Variants in ARHGAP8 observed in about 807,000 individuals in gnomAD.
ARHGAP8 encodes the protein rho GTPase-activating protein 8.
Under a neutral mutation model 46.1 loss-of-function variants are expected in ARHGAP8, and 62 were observed. The ratio of observed to expected loss-of-function variants is 1.34; its 90% CI spans 1.10 to 1.66. ARHGAP8 has a LOEUF of 1.66. ARHGAP8 is among the 40% of genes most tolerant of loss of function. The pLI is 0.00. For synonymous variants in ARHGAP8, 375 were observed against 243.1 expected (o/e 1.54, Z -5.05); for missense variants, 923 against 568.4 (o/e 1.62, Z -6.34).
At chr22:44,794,183 G>T (rs1395030142) in intron 2 of ARHGAP8, among the ~76,000 whole-genome samples, 1 of 152,220 alleles carries the variant, frequency 6.6e-6, no homozygotes, top group Non-Finnish European at 1.5e-5. Flanking sequence ...ATCCTACCTG[G>T]TCCGTGGTAA....
intron 2 of ARHGAP8, among the ~76,000 whole-genome samples, chr22:44,789,230 A>T (rs950410139): frequency 6.6e-6 from 1 of 151,070 alleles, no homozygotes; most frequent in Non-Finnish European, 1.5e-5. Flanking sequence ...GCTCACTGCA[A>T]CCTCCAGCTC....
chr22:44,758,597 G>A (rs1924876221), intron 1 of ARHGAP8, among the ~76,000 whole-genome samples: 2 of 151,962 alleles, frequency 1.3e-5, no homozygotes, highest in Non-Finnish European at 2.9e-5. Flanking sequence ...CTTTGTGCAG[G>A]GCTGTGCGTT....
chr22:44,862,759 C>CAAAACTCCATGCCTCTGG lies in ARHGAP8; in HGVS notation c.*164_*165insAAAACTCCATGCCTCTGG. 8.1e-6 allele frequency: 7 copies of CAAAACTCCATGCCTCTGG among 858,938 alleles called. No individual in the cohort carries two copies. The highest frequency in any genetic ancestry group is 8.5e-6 in the Non-Finnish European group (5 of 589,266). 53.2% of individuals were successfully genotyped at this position (858,938 alleles called of 1,614,324 possible). ...GTCCTTGGACTCTTGTCCATGGTTC[C>CAAAACTCCATGCCTCTGG]TGAGCTGTGGACCGGGATAGAATAA... On this transcript the variant is annotated 3_prime_UTR_variant, in exon 12 of 12. Transcript: ENST00000356099.
chr22:44,813,123 G>T (rs1410701797), intron 4 of ARHGAP8, among the ~76,000 whole-genome samples: 2 of 152,122 alleles, frequency 1.3e-5, no homozygotes, highest in African/African-American at 4.8e-5. Flanking sequence ...GCTCCCTGTA[G>T]TGGAGAATGC....
At chr22:44,773,770 A>G (rs1926213369) in intron 1 of ARHGAP8, among the ~76,000 whole-genome samples, 2 of 152,056 alleles carry the variant, frequency 1.3e-5, no homozygotes, top group South Asian at 4.1e-4. Flanking sequence ...TTTAGTAGAG[A>G]TAGGGTTTTG....
intron 7 of ARHGAP8, among the ~76,000 whole-genome samples, chr22:44,835,783 A>G (rs1188920919): frequency 1.3e-5 from 2 of 152,174 alleles, no homozygotes; most frequent in Non-Finnish European, 2.9e-5. Flanking sequence ...GTTTCTCCTT[A>G]TCTCCCAGAG....
intron 7 of ARHGAP8, among the ~76,000 whole-genome samples, chr22:44,842,044 G>A (rs371983876): frequency 1.3e-5 from 2 of 152,302 alleles, no homozygotes; most frequent in South Asian, 4.1e-4. Context: ...CCCTGTGTTG[G>A]ACACTTGATT....
chr22:44,804,721 A>AGAT (rs1193769596), intron 3 of ARHGAP8, among the ~76,000 whole-genome samples: 2 of 152,168 alleles, frequency 1.3e-5, no homozygotes, highest in African/African-American at 4.8e-5. Flanking sequence ...CCCCAACTCA[A>AGAT]GATGAACAAA....
chr22:44,860,918 AATGTC>A (rs1390033587), intron 11 of ARHGAP8, among the ~76,000 whole-genome samples: 25 of 152,156 alleles, frequency 1.6e-4, no homozygotes, highest in Middle Eastern at 3.4e-3. Context: ...TCTGTTGGAG[AATGTC>A]ACTTCTTGGT....
Position 44,826,371 on chromosome 22 carries a change from A to G in ARHGAP8, c.596+778A>G, listed in dbSNP as rs184359621. Among the ~76,000 whole-genome samples, 129 of 152,252 alleles carry G rather than the reference A, an allele frequency of 8.5e-4. 1 individual carries two copies. The highest frequency in any genetic ancestry group is 3.0e-3 in the African/African-American group (124 of 41,548). On this transcript the variant is annotated intron_variant, in intron 7 of 11. Coordinates refer to ENST00000356099, the MANE Select transcript of ARHGAP8 (RefSeq NM_181335.3). Reference sequence around the variant, plus strand: ...CTTCCTAATACCCTTTATCAGCCACATGACCTTGAACTCACCTCTTCTCTC... The same window carrying G: ...CTTCCTAATACCCTTTATCAGCCACGTGACCTTGAACTCACCTCTTCTCTC...
At chr22:44,832,881 A>G (rs915238808) in intron 7 of ARHGAP8, among the ~76,000 whole-genome samples, 3 of 152,068 alleles carry the variant, frequency 2.0e-5, no homozygotes, top group Non-Finnish European at 2.9e-5. Flanking sequence ...ATTCTCAGCT[A>G]TTTGGGAGAT....
At chr22:44,839,894 G>T (rs916759481) in intron 7 of ARHGAP8, among the ~76,000 whole-genome samples, 8 of 152,232 alleles carry the variant, frequency 5.3e-5, no homozygotes, top group Non-Finnish European at 7.3e-5. Flanking sequence ...GTTTGCCCAT[G>T]GGGCGTTGGC....
chr22:44,808,707 T>G (rs746292670), intron 4 of ARHGAP8: 106 of 613,950 alleles, frequency 1.7e-4, no homozygotes, highest in Non-Finnish European at 2.8e-4. Context: ...CTCACACCTG[T>G]AATCCCAGTA....
intron 11 of ARHGAP8, among the ~76,000 whole-genome samples, chr22:44,861,063 GTGCAATCTCAGCTCAC>G (rs1168726346): frequency 6.6e-6 from 1 of 152,114 alleles, no homozygotes; most frequent in South Asian, 2.1e-4. Context: ...GTGTGCACTG[GTGCAATCTCAGCTCAC>G]TGCAACCCCA....
In ARHGAP8 at chr22:44,801,076, GA is replaced by G. The variant is rs1483681057; in HGVS notation, c.80-1000del. ...CCTCTCCCCGCAGCTGTCCATGTGTGAGGGGCACCTCTCCCCGCAGCTGTCC... is the reference window on the plus strand; with the variant it reads ...CCTCTCCCCGCAGCTGTCCATGTGTGGGGGCACCTCTCCCCGCAGCTGTCC... On this transcript the variant is annotated intron_variant, in intron 2 of 11. Transcript: ENST00000356099. Among the ~76,000 whole-genome samples, 16 of 60,694 alleles carry G rather than the reference GA, an allele frequency of 2.6e-4. 1 individual carries two copies. The highest frequency in any genetic ancestry group is 1.2e-3 in the African/African-American group (13 of 10,868). 39.8% of individuals were successfully genotyped at this position (60,694 alleles called of 152,430 possible).
chr22:44,789,628 A>C (rs1927518573), intron 2 of ARHGAP8, among the ~76,000 whole-genome samples: 16 of 151,856 alleles, frequency 1.1e-4, no homozygotes. Flanking sequence ...CTTCTTATGT[A>C]GCTGGGACTA....
chr22:44,860,882 A>C (rs5766125), intron 11 of ARHGAP8, among the ~76,000 whole-genome samples: 3 of 152,324 alleles, frequency 2.0e-5, no homozygotes, highest in East Asian at 1.9e-4. Flanking sequence ...GGAGAGCCTG[A>C]GCAGAGTAGG....
At chr22:44,847,924 G>T in intron 8 of ARHGAP8, 49 bp from the exon 9 acceptor site, 1 of 1,600,658 alleles carries the variant, frequency 6.2e-7, no homozygotes, top group African/African-American at 1.3e-5. Flanking sequence ...TGTCCTGGAA[G>T]CCCTTTGGGC....
intron 3 of ARHGAP8, among the ~76,000 whole-genome samples, chr22:44,806,519 CTG>C (rs1414155147): frequency 2.6e-5 from 4 of 152,194 alleles, no homozygotes; most frequent in African/African-American, 9.6e-5. Context: ...TGATTCACCT[CTG>C]TGAGTCTCAG....
Sources: allele counts gnomAD v4.1 joint callset (sites outside exome capture counted in the v4.1 genomes callset), GRCh38; gene constraint gnomAD v4.1.1; transcripts MANE v1.5; gene names NCBI Gene and HGNC (gene_info 2026-07-23, HGNC 2026-07-21).